MBD5: variants seen among roughly 807,000 people sequenced by gnomAD.
The protein encoded by MBD5 is methyl-CpG binding domain protein 5.
In MBD5, 13 loss-of-function variants were observed where a neutral mutation model predicts 117.3. The observed-to-expected ratio is 0.11, with a 90% CI of 0.07 to 0.18. The LOEUF is 0.18. Among genes scored for constraint, MBD5 ranks in the 10% least tolerant of loss-of-function variants. The pLI is 1.00. For synonymous variants in MBD5, 727 were observed against 766.4 expected (o/e 0.95, Z 0.85); for missense variants, 1,879 against 2,093.8 (o/e 0.90, Z 2.00).
intron 3 of MBD5, among the ~76,000 whole-genome samples, chr2:148,288,458 T>G (rs1027058012): frequency 1.3e-5 from 2 of 150,220 alleles, no homozygotes; most frequent in Non-Finnish European, 3.0e-5. Flanking sequence ...TTCATAGCAT[T>G]GACTAAAGTG....
chr2:148,446,602 C>CTATGTGTGTGTGTGTG (rs1553516216), intron 4 of MBD5, among the ~76,000 whole-genome samples: 6,465 of 148,842 alleles, frequency 0.043, 198 homozygotes, highest in Non-Finnish European at 0.061. Flanking sequence ...GATTATTTAT[C>CTATGTGTGTGTGTGTG]TGTGTGTGTG....
chr2:148,423,707 C>T (rs1705682264), intron 4 of MBD5, among the ~76,000 whole-genome samples: 1 of 152,044 alleles, frequency 6.6e-6, no homozygotes. Context: ...ACAATATTAC[C>T]CTTAAATGTA....
At chr2:148,202,106 T>C (rs1699159792) in intron 2 of MBD5, among the ~76,000 whole-genome samples, 2 of 152,170 alleles carry the variant, frequency 1.3e-5, no homozygotes, top group Non-Finnish European at 2.9e-5. Flanking sequence ...CCACTATCAC[T>C]AGGAGCTGGC....
chr2:148,068,731 G>A (rs1695273738), intron 1 of MBD5: 1 of 152,166 alleles, frequency 6.6e-6, no homozygotes, highest in South Asian at 2.1e-4. Context: ...GAAGTCAGGA[G>A]GTGACTGGTG....
intron 4 of MBD5, among the ~76,000 whole-genome samples, chr2:148,432,407 G>C (rs1008444115): frequency 1.5e-4 from 23 of 151,938 alleles, no homozygotes; most frequent in African/African-American, 5.3e-4. Flanking sequence ...TTTTGTTGCA[G>C]TGGCTTCTGC....
chr2:148,109,175 T>A (rs1221571541), intron 1 of MBD5, among the ~76,000 whole-genome samples: 1 of 152,106 alleles, frequency 6.6e-6, no homozygotes, highest in Non-Finnish European at 1.5e-5. Context: ...ATCTCAGCAC[T>A]TTGGGAGGCT....
rs188063139 is a variant in MBD5 at position 148,324,320 on chromosome 2, G to T, written c.-679-17894G>T. Among the ~76,000 whole-genome samples, 181 of 150,424 alleles carry T rather than the reference G, an allele frequency of 1.2e-3. 1 individual carries two copies. Among genetic ancestry groups the T allele is most frequent in the African/African-American group, 4.2e-3 (174 of 41,298 alleles). On this transcript the variant is annotated intron_variant, in intron 3 of 13. Transcript: ENST00000642680. ...CTTTTGGCTCAGGATTGACTTGCCG[G>T]CTCTTTTGTGGTTCCATATGAACTT...
chr2:148,092,217 A>T (rs528149600), intron 1 of MBD5, among the ~76,000 whole-genome samples: 2 of 152,316 alleles, frequency 1.3e-5, no homozygotes, highest in African/African-American at 4.8e-5. Context: ...GCTGGTGGGA[A>T]TGTAAACTAG....
At chr2:148,136,771 T>A (rs1209120452) in intron 1 of MBD5, among the ~76,000 whole-genome samples, 1 of 152,154 alleles carries the variant, frequency 6.6e-6, no homozygotes, top group Non-Finnish European at 1.5e-5. Context: ...ATTAATTTTT[T>A]TTTTTTTTGA....
chr2:148,204,215 G>T (rs918722747), intron 2 of MBD5, among the ~76,000 whole-genome samples: 6 of 152,036 alleles, frequency 3.9e-5, no homozygotes, highest in Non-Finnish European at 8.8e-5. Context: ...AGGAAAAAAG[G>T]ATTTATTTCA....
chr2:148,485,698 C>T (rs749073025), intron 9 of MBD5, 44 bp from the exon 10 acceptor site: 13 of 1,443,502 alleles, frequency 9.0e-6, no homozygotes, highest in Admixed American at 3.9e-5. Flanking sequence ...ATCGAATCTC[C>T]GAAGAATCAC....
Position 148,057,703 on chromosome 2 carries a change from G to A in MBD5, c.-925+36019G>A, listed in dbSNP as rs191106374. On this transcript the variant is annotated intron_variant, in intron 1 of 13. Transcript: ENST00000642680. ...AAAATCCCACAACAATATGCTTTAG[G>A]GTTTGTAATTTAACCAAATGAATTT... 5.0e-3 allele frequency among the ~76,000 whole-genome samples: 750 copies of A among 151,354 alleles called. 8 individuals carry two copies. The highest frequency in any genetic ancestry group is 0.018 in the African/African-American group (727 of 41,322).
chr2:148,041,512 C>A (rs1694358443), intron 1 of MBD5: 1 of 152,110 alleles, frequency 6.6e-6, no homozygotes, highest in South Asian at 2.1e-4. Flanking sequence ...TCTGAAGTAC[C>A]TTGAAATGGA....
At chr2:148,293,740 G>T (rs1192212559) in intron 3 of MBD5, among the ~76,000 whole-genome samples, 7 of 152,152 alleles carry the variant, frequency 4.6e-5, no homozygotes, top group African/African-American at 1.7e-4. Context: ...CATTAAGTAT[G>T]ATATGAACTG....
Position 148,504,715 on chromosome 2 carries a change from C to T in MBD5, c.5036+2206C>T, listed in dbSNP as rs557323487. ...GTTCCTAGAGGAGAAGATATGTGGG[C>T]CAAGCCTTAAACACTACATAGGCAT... On this transcript the variant is annotated intron_variant, in intron 12 of 13. Transcript: ENST00000642680. Among the ~76,000 whole-genome samples the T allele has an allele frequency of 8.5e-5, 13 of 152,184 alleles. No homozygotes were observed. The East Asian group carries it at 2.1e-3, about 25-fold the overall frequency.
At chr2:148,288,519 A>G (rs1356367390) in intron 3 of MBD5, among the ~76,000 whole-genome samples, 3 of 151,714 alleles carry the variant, frequency 2.0e-5, no homozygotes, top group African/African-American at 7.3e-5. Context: ...ATATTCTACT[A>G]TCCAAGAAAG....
At chr2:148,187,160 G>C (rs562558019) in intron 2 of MBD5, among the ~76,000 whole-genome samples, 4 of 152,328 alleles carry the variant, frequency 2.6e-5, no homozygotes, top group Non-Finnish European at 5.9e-5. Flanking sequence ...GTTTGGGGCT[G>C]TAGTGTGCTA....
At chr2:148,027,356 AC>A (rs1693926740) in intron 1 of MBD5, 1 of 152,148 alleles carries the variant, frequency 6.6e-6, no homozygotes, top group Admixed American at 6.5e-5. Context: ...ACTTTTTAAT[AC>A]AGTTCTCTTT....
intron 2 of MBD5, among the ~76,000 whole-genome samples, chr2:148,227,842 T>C (rs1699873951): frequency 6.6e-6 from 1 of 152,208 alleles, no homozygotes; most frequent in Admixed American, 6.5e-5. Flanking sequence ...CCCTTGTAAG[T>C]TGGATTCCTA....
Sources: gnomAD v4.1 joint callset for allele counts (sites outside exome capture counted in the v4.1 genomes callset) on GRCh38, gnomAD v4.1.1 for gene constraint, MANE v1.5 for transcripts, NCBI Gene and HGNC (gene_info 2026-07-23, HGNC 2026-07-21) for gene names.